The following DGKH variants were observed in gnomAD, a reference collection of about 807,000 sequenced individuals.
DGKH encodes the protein DAG kinase eta.
A neutral mutation model predicts 159.3 loss-of-function variants in DGKH; 90 were observed. The observed-to-expected ratio is 0.57, with a 90% confidence interval of 0.48 to 0.67. The LOEUF (loss-of-function observed/expected upper bound fraction) is 0.67, where lower values mean the gene tolerates loss of function less well. DGKH is among the 30% of genes least tolerant of loss of function. DGKH has a pLI of 0.00. For synonymous variants in DGKH, 536 were observed against 553.8 expected (o/e 0.97, Z 0.45); for missense variants, 1,181 against 1,506.1 (o/e 0.78, Z 3.57).
At chr13:42,101,024 T>G (rs1954642464) in intron 1 of DGKH, among the ~76,000 whole-genome samples, 1 of 152,240 alleles carries the variant, frequency 6.6e-6, no homozygotes, top group Non-Finnish European at 1.5e-5. Flanking sequence ...CCTCACTAGC[T>G]GTTGATGATC....
chr13:42,088,666 T>G (rs1465962428), intron 1 of DGKH, among the ~76,000 whole-genome samples: 1 of 151,980 alleles, frequency 6.6e-6, no homozygotes, highest in Non-Finnish European at 1.5e-5. Context: ...GTTGATAAAT[T>G]GAATCCTAGA....
At chr13:42,042,289 T>C (rs749256238) in intron 1 of DGKH, among the ~76,000 whole-genome samples, 1 of 152,398 alleles carries the variant, frequency 6.6e-6, no homozygotes, top group African/African-American at 2.4e-5. Context: ...CTGCATACTT[T>C]AAGCCAACAC....
At chr13:42,204,912 A>T (rs1054140300) in intron 20 of DGKH, among the ~76,000 whole-genome samples, 1 of 152,286 alleles carries the variant, frequency 6.6e-6, no homozygotes, top group Non-Finnish European at 1.5e-5. Flanking sequence ...GAGATGTCCC[A>T]TTACAGAAAC....
In DGKH at chr13:42,165,338, C is replaced by T. The variant is rs749837381; in HGVS notation, c.863C>T (p.Thr288Ile). Residue 288 changes from threonine (T) to isoleucine (I), a missense_variant, in exon 8 of 30, where the codon ACT becomes ATT. Transcript: ENST00000337343. ...ATATTTGTTTGTCATTAGGTACACA[C>T]TGCCTGCAAAGATTTATACCATCCA... ...KCLWCKTMVH[T>I]ACKDLYHPIC... 6.4e-7 allele frequency: 1 copy of T among 1,554,800 alleles called. No homozygotes were observed.
intron 1 of DGKH, among the ~76,000 whole-genome samples, chr13:42,100,910 A>C (rs1446514855): frequency 6.6e-6 from 1 of 152,162 alleles, no homozygotes; most frequent in Non-Finnish European, 1.5e-5. Context: ...AAGTAGACTT[A>C]CTAGTTACAG....
rs1400683885 is a variant in DGKH, at chr13:42,239,569, T to G, written c.*10381T>G. 2 of 152,668 alleles carry G rather than the reference T, an allele frequency of 1.3e-5. No individual in the cohort carries two copies. The highest frequency in any genetic ancestry group is 4.8e-5 in the African/African-American group (2 of 41,476). The allele number at this position is 152,668 out of a possible 1,614,324, so 9.5% of individuals were successfully genotyped here. A position where few individuals can be genotyped will look rare whatever the true frequency, so the allele number is the denominator to read the frequency against. On this transcript the variant is annotated 3_prime_UTR_variant, in exon 30 of 30. Coordinates refer to ENST00000337343, the MANE Select transcript of DGKH (RefSeq NM_178009.5). ...TTTCTCATTAGTTGCAGTAAAGTGT[T>G]GATTTCATTGCTGCCTTTCAGGCCT...
chr13:42,092,871 C>T (rs1031989982), intron 1 of DGKH, among the ~76,000 whole-genome samples: 1 of 152,042 alleles, frequency 6.6e-6, no homozygotes, highest in Non-Finnish European at 1.5e-5. Flanking sequence ...CAAAATGTTA[C>T]AATTATGATA....
intron 1 of DGKH, among the ~76,000 whole-genome samples, chr13:42,052,030 C>G (rs111916027): frequency 0.043 from 6,555 of 152,212 alleles, 449 homozygotes; most frequent in African/African-American, 0.15. Flanking sequence ...TAGGTCAAAA[C>G]TGGTCAAATA....
At chr13:42,137,296 C>G (rs1421604013) in intron 3 of DGKH, among the ~76,000 whole-genome samples, 3 of 152,214 alleles carry the variant, frequency 2.0e-5, no homozygotes, top group Non-Finnish European at 4.4e-5. Context: ...TGAATAATCA[C>G]TGACAAGTAA....
chr13:42,199,419 A>T (rs1258279167), intron 18 of DGKH, 147 bp from the exon 19 acceptor site: 1 of 514,640 alleles, frequency 1.9e-6, no homozygotes, highest in East Asian at 3.4e-5. Flanking sequence ...TACACATGGC[A>T]TAGGAATAGG....
At chr13:42,248,597 GTAA>G (rs1184436475) in intron 29 of DGKH, among the ~76,000 whole-genome samples, 4 of 145,414 alleles carry the variant, frequency 2.8e-5, no homozygotes, top group Admixed American at 6.9e-5. Flanking sequence ...TAATTTCAAT[GTAA>G]TAATTTATAT....
At chr13:42,114,327 T>G (rs927746685) in intron 1 of DGKH, among the ~76,000 whole-genome samples, 4 of 152,184 alleles carry the variant, frequency 2.6e-5, no homozygotes, top group African/African-American at 9.7e-5. Context: ...CCTGAAGAGC[T>G]CCTAAAGATA....
At chr13:42,143,143 C>G (rs9533010) in intron 3 of DGKH, among the ~76,000 whole-genome samples, 53,637 of 152,004 alleles carry the variant, frequency 0.35, 9,975 homozygotes, top group Non-Finnish European at 0.42. Context: ...TTTTCTGCAT[C>G]TGTTGAGATA....
chr13:42,253,267 G>T (rs577618565), intron 30 of DGKH, among the ~76,000 whole-genome samples: 9 of 152,080 alleles, frequency 5.9e-5, no homozygotes, highest in African/African-American at 2.2e-4. Flanking sequence ...TCCTCGAATG[G>T]GATTAATGCC....
In DGKH at chr13:42,236,209, T is replaced by TA. The variant is rs1446165063; in HGVS notation, c.*7023dup. The TA allele has an allele frequency of 9.9e-5, 15 of 152,210 alleles. No homozygotes were observed. Among genetic ancestry groups the TA allele is most frequent in the Non-Finnish European group, 2.2e-4 (15 of 68,022 alleles). 9.4% of individuals were successfully genotyped at this position (152,210 alleles called of 1,614,324 possible). On this transcript the variant is annotated 3_prime_UTR_variant, in exon 30 of 30. Transcript: ENST00000337343. ...CATTTATTTATTATGTTGTGAAACT[T>TA]AAGCTTTATATGAAATACATATTCT...
chr13:42,202,404 C>G (rs1412506292), intron 20 of DGKH, among the ~76,000 whole-genome samples: 2 of 152,116 alleles, frequency 1.3e-5, no homozygotes, highest in African/African-American at 4.8e-5. Context: ...TCCTTTTTAG[C>G]TTTTTACTCT....
chr13:42,145,987 C>T (rs1009739018), intron 3 of DGKH, among the ~76,000 whole-genome samples: 7 of 151,974 alleles, frequency 4.6e-5, no homozygotes, highest in South Asian at 2.1e-4. Flanking sequence ...TTCAAAATTC[C>T]GCCAGTAAAG....
intron 3 of DGKH, among the ~76,000 whole-genome samples, chr13:42,132,631 G>GT (rs1413182059): frequency 6.6e-6 from 1 of 152,200 alleles, no homozygotes; most frequent in African/African-American, 2.4e-5. Flanking sequence ...ACCAGGCACA[G>GT]TGGCTCACAC....
In DGKH at chr13:42,160,057, C is replaced by T. The variant is rs1956142883; in HGVS notation, c.776C>T (p.Ala259Val). The T allele has an allele frequency of 1.2e-6, 2 of 1,614,084 alleles. No individual in the cohort carries two copies. Among genetic ancestry groups the T allele is most frequent in the Non-Finnish European group, 8.5e-7 (1 of 1,180,054 alleles). ...CTTGAGGGCAACCTGCCTGTAAGTG[C>T]CAAGTGTGCTGTCTGCGACAAAACA... ...QWLEGNLPVS[A>V]KCAVCDKTCG... Residue 259 changes from alanine (A) to valine (V), a missense_variant, in exon 7 of 30, where the codon GCC (alanine) becomes GTC (valine). By Grantham distance (64) the Ala-to-Val change is moderately conservative. Around this residue, in one of 5 missense-constraint regions of DGKH, gnomAD observed 369 missense variants for 519.4 expected, o/e 0.71. Transcript: ENST00000337343.
Sources: allele counts gnomAD v4.1 joint callset (sites outside exome capture counted in the v4.1 genomes callset), GRCh38; gene constraint gnomAD v4.1.1; regional missense constraint gnomAD v4.1.1; transcripts MANE v1.5; gene names NCBI Gene and HGNC (gene_info 2026-07-23, HGNC 2026-07-21).